Variants in MCCC1 observed in about 807,000 individuals in gnomAD.
MCCC1 encodes the protein methylcrotonyl-CoA carboxylase subunit 1.
In MCCC1, 64 loss-of-function variants were observed where a neutral mutation model predicts 83.8. The observed-to-expected ratio is 0.76, with a 90% CI of 0.62 to 0.94. MCCC1 has a LOEUF of 0.94. Ranked by LOEUF, MCCC1 falls within the 40% of genes least tolerant of loss-of-function variation. The pLI is 0.00. For missense variants in MCCC1, 807 were observed against 904.7 expected, an observed-to-expected ratio of 0.89 and a Z score of 1.39; for synonymous variants, 322 against 315.4, an observed-to-expected ratio of 1.02 and a Z score of -0.22.
At chr3:183,028,847 A>G (rs1019065447) in intron 14 of MCCC1, among the ~76,000 whole-genome samples, 2 of 152,212 alleles carry the variant, frequency 1.3e-5, no homozygotes, top group African/African-American at 4.8e-5. Context: ...AGTCACCCCA[A>G]TCTTCAGCAA....
At position 183,037,292 on chromosome 3, in the gene MCCC1, G is replaced by A. The variant is rs751632731; in HGVS notation, c.1520C>T (p.Ser507Phe). 3.7e-6 allele frequency: 6 copies of A among 1,614,040 alleles called. No homozygotes were observed. Among genetic ancestry groups the A allele is most frequent in the Non-Finnish European group, 5.1e-6 (6 of 1,180,054 alleles). Reference protein sequence around the residue: ...LLSRKAAAKESLCQAALGLIL... With the variant: ...LLSRKAAAKEFLCQAALGLIL... Reference sequence around the variant, plus strand: ...GAGACCCAGGGCTGCCTGGCATAAAGACTCTTTGGCTGCAGCCTTCCGACT... The same window carrying A: ...GAGACCCAGGGCTGCCTGGCATAAAAACTCTTTGGCTGCAGCCTTCCGACT... The change falls in exon 13 of 19, where the codon TCT (serine) becomes TTT (phenylalanine). Residue 507 changes from serine (S) to phenylalanine (F), a missense_variant. Transcript: ENST00000265594.
chr3:183,029,912 T>C (rs893854144), intron 14 of MCCC1, among the ~76,000 whole-genome samples: 4 of 152,110 alleles, frequency 2.6e-5, no homozygotes, highest in Non-Finnish European at 4.4e-5. Flanking sequence ...CCATTCCAAA[T>C]ACTTGGCCTG....
At chr3:183,102,240 C>T (rs778150507), upstream of MCCC1, among the ~76,000 whole-genome samples, 1 of 152,142 alleles carries the variant, frequency 6.6e-6, no homozygotes, top group African/African-American at 2.4e-5. Context: ...ATGATGCACA[C>T]TTGTAGTCCC....
chr3:183,100,334 G>A (rs1453146058), upstream of MCCC1, among the ~76,000 whole-genome samples: 1 of 152,172 alleles, frequency 6.6e-6, no homozygotes, highest in African/African-American at 2.4e-5. Context: ...AATAGATCCT[G>A]GAAGAGACAA....
intron 3 of MCCC1, among the ~76,000 whole-genome samples, chr3:183,087,348 C>T (rs1245098920): frequency 6.6e-6 from 1 of 152,174 alleles, no homozygotes; most frequent in African/African-American, 2.4e-5. Context: ...TACTGAAGGC[C>T]TACTACGTGC....
At chr3:183,079,119 T>C (rs1717300275) in intron 4 of MCCC1, among the ~76,000 whole-genome samples, 1 of 152,156 alleles carries the variant, frequency 6.6e-6, no homozygotes. Context: ...AACCAAACCA[T>C]ATCATTCCGC....
chr3:183,102,778 T>G (rs1262416837), upstream of MCCC1, among the ~76,000 whole-genome samples: 28 of 103,204 alleles, frequency 2.7e-4, 2 homozygotes, highest in African/African-American at 9.8e-4. Context: ...TTTTTTTTTT[T>G]TTTTTTTTTT....
intron 1 of MCCC1, among the ~76,000 whole-genome samples, chr3:183,109,716 A>T (rs1010555169): frequency 6.6e-6 from 1 of 152,176 alleles, no homozygotes; most frequent in African/African-American, 2.4e-5. Context: ...TGATGAACAT[A>T]TGAGTGTGTG....
Position 183,083,260 on chromosome 3 carries a change from C to T in MCCC1, c.369+3433G>A, listed in dbSNP as rs541417035. On this transcript the variant is annotated intron_variant, in intron 4 of 18. Transcript: ENST00000265594. ...TTAAAGGAAGGTTTGCTCTCCTAAT[C>T]GGCAAGTATCTTTTTATTAGAGGAG... 2.2e-4 allele frequency among the ~76,000 whole-genome samples: 34 copies of T among 152,172 alleles called. 1 individual carries two copies. The highest frequency in any genetic ancestry group is 2.8e-4 in the Non-Finnish European group (19 of 68,040).
Position 183,037,323 on chromosome 3 carries a change from A to G in MCCC1, c.1489T>C (p.Leu497=). ...TTGGCTGCAGCCTTCCGACTGAGCAACAACTGTTTGTGGTGTTGAGGGATG... is the reference window on the plus strand; with the variant it reads ...TTGGCTGCAGCCTTCCGACTGAGCAGCAACTGTTTGTGGTGTTGAGGGATG... ...DFIPQHHKQL[L]LSRKAAAKES... is the part of the protein sequence containing the mutation. Residue 497 remains leucine (L), a synonymous_variant, in exon 13 of 19, where the codon TTG becomes CTG. Transcript: ENST00000265594. The G allele has an allele frequency of 6.2e-7, 1 of 1,614,162 alleles. No homozygotes were observed. The highest frequency in any genetic ancestry group is 8.5e-7 in the Non-Finnish European group (1 of 1,180,040).
rs752115157 is a variant in MCCC1 at position 183,071,041 on chromosome 3, T to C, written c.719A>G (p.Asn240Ser). 1.7e-5 allele frequency: 28 copies of C among 1,614,102 alleles called. No homozygotes were observed. The East Asian group carries it at 1.8e-4, about 10-fold the overall frequency. ...SARREAKKSF[N>S]DDAMLIEKFV... Reference sequence around the variant, plus strand: ...CTTCTCGATCAGCATAGCATCATCATTGAAAGACTTCTTAGCTTCTCTCCG... The same window carrying C: ...CTTCTCGATCAGCATAGCATCATCACTGAAAGACTTCTTAGCTTCTCTCCG... The change falls in exon 7 of 19, where the codon AAT (asparagine) becomes AGT (serine). Residue 240 changes from asparagine (N) to serine (S), a missense_variant. Transcript: ENST00000265594.
rs1346386205 is a variant in MCCC1 at position 183,041,773 on chromosome 3, T to C, written c.1084-23A>G. ...AATCTGGCAATAGAATAGTGTTTCT[T>C]ATGAAATCTACCGTATAGCGGCTAC... On this transcript the variant is annotated intron_variant, in intron 10 of 18. Coordinates refer to ENST00000265594, the MANE Select transcript of MCCC1 (RefSeq NM_020166.5). 2.5e-6 allele frequency: 4 copies of C among 1,613,706 alleles called. No individual in the cohort carries two copies. In the East Asian group the frequency reaches 6.7e-5, roughly 27 times the overall value.
intron 9 of MCCC1, among the ~76,000 whole-genome samples, chr3:183,049,335 G>C (rs561013555): frequency 2.6e-5 from 4 of 152,010 alleles, no homozygotes; most frequent in Admixed American, 6.6e-5. Context: ...AGTAACCTTG[G>C]CCACAGCGGG....
intron 12 of MCCC1, among the ~76,000 whole-genome samples, 177 bp from the exon 13 acceptor site, chr3:183,037,611 A>C (rs2108471330): frequency 6.6e-6 from 1 of 152,322 alleles, no homozygotes; most frequent in East Asian, 1.9e-4. Context: ...ACACAAAAAA[A>C]CCATCTCACT....
At chr3:183,072,316 A>G in intron 5 of MCCC1, 50 bp downstream of exon 5, 1 of 1,607,526 alleles carries the variant, frequency 6.2e-7, no homozygotes, top group Non-Finnish European at 8.5e-7. Context: ...GGCCCAAACT[A>G]TTTCAACTGA....
intron 4 of MCCC1, among the ~76,000 whole-genome samples, chr3:183,080,711 G>T (rs1044412081): frequency 1.3e-5 from 2 of 152,088 alleles, no homozygotes; most frequent in African/African-American, 4.8e-5. Flanking sequence ...CTGTTTTCAT[G>T]CTGCTGATAA....
intron 1 of MCCC1, among the ~76,000 whole-genome samples, chr3:183,110,606 G>C (rs1466373106): frequency 6.6e-6 from 1 of 152,080 alleles, no homozygotes; most frequent in Non-Finnish European, 1.5e-5. Context: ...GTGTTAGTCA[G>C]AATGGTCTCG....
At chr3:183,111,717 G>A (rs1719495025) in intron 1 of MCCC1, among the ~76,000 whole-genome samples, 1 of 152,178 alleles carries the variant, frequency 6.6e-6, no homozygotes, top group Non-Finnish European at 1.5e-5. Context: ...CATTCAAAAA[G>A]CGTTTTAAAT....
At chr3:183,017,587 G>A (rs557091187) in intron 17 of MCCC1, 7 of 509,178 alleles carry the variant, frequency 1.4e-5, no homozygotes, top group Non-Finnish European at 2.5e-5. Flanking sequence ...TCTGCCAAAT[G>A]CACTGGTCAA....
Sources: gnomAD v4.1 joint callset for allele counts (sites outside exome capture counted in the v4.1 genomes callset) on GRCh38, gnomAD v4.1.1 for gene constraint, MANE v1.5 for transcripts, NCBI Gene and HGNC (gene_info 2026-07-23, HGNC 2026-07-21) for gene names.